TMEM178B: variants seen among roughly 807,000 people sequenced by gnomAD.
The protein encoded by TMEM178B is transmembrane protein 178B.
Under a neutral mutation model 31.0 loss-of-function variants are expected in TMEM178B, and 5 were observed. The observed-to-expected ratio is 0.16, with a 90% CI of 0.08 to 0.34. TMEM178B has a LOEUF of 0.34. Among genes scored for constraint, TMEM178B ranks in the 10% least tolerant of loss-of-function variants. The pLI is 1.00. For synonymous variants in TMEM178B, 164 were observed against 164.0 expected (o/e 1.00, Z 0.00); for missense variants, 275 against 400.3 (o/e 0.69, Z 2.67).
chr7:141,196,646 G>A (rs947970459), intron 1 of TMEM178B, among the ~76,000 whole-genome samples: 1 of 152,212 alleles, frequency 6.6e-6, no homozygotes, highest in Non-Finnish European at 1.5e-5. Flanking sequence ...AACCCTTGCA[G>A]GTCAAAGGTG....
At position 141,464,332 on chromosome 7, in the gene TMEM178B, C is replaced by T. The variant is rs146282988; in HGVS notation, c.635-6204C>T. 4.8e-3 allele frequency among the ~76,000 whole-genome samples: 738 copies of T among 152,262 alleles called. 8 individuals are homozygous for T. Among genetic ancestry groups the T allele is most frequent in the African/African-American group, 0.017 (714 of 41,544 alleles). ...GTTGCTACTGGATATTTATGACTCA[C>T]GCTCTTCCTAGAGACTTCTAGACTT... is the stretch of plus-strand genomic sequence containing the variant. On this transcript the variant is annotated intron_variant, in intron 3 of 3. Transcript: ENST00000565468.
At chr7:141,407,329 T>G (rs1800901825) in intron 2 of TMEM178B, among the ~76,000 whole-genome samples, 1 of 152,216 alleles carries the variant, frequency 6.6e-6, no homozygotes, top group African/African-American at 2.4e-5. Flanking sequence ...AAATAATTTG[T>G]ATTTCACAGT....
the TMEM178B span, among the ~76,000 whole-genome samples, chr7:141,492,690 TTTGTGGTTC>T: frequency 6.6e-6 from 1 of 152,316 alleles, no homozygotes; most frequent in Admixed American, 6.5e-5. Context: ...TCGTTTCATT[TTTGTGGTTC>T]CTAGAAACAA....
intron 1 of TMEM178B, among the ~76,000 whole-genome samples, chr7:141,193,233 G>A (rs192971969): frequency 6.6e-6 from 1 of 152,172 alleles, no homozygotes; most frequent in Non-Finnish European, 1.5e-5. Flanking sequence ...GGCCAGGCTC[G>A]TGCAGCACCA....
intron 2 of TMEM178B, among the ~76,000 whole-genome samples, chr7:141,434,809 T>C (rs753011302): frequency 5.1e-4 from 78 of 152,218 alleles, no homozygotes; most frequent in Admixed American, 1.2e-3. Context: ...TACTGTACTT[T>C]GATTAGATCA....
At chr7:141,239,751 G>A (rs1364278662) in intron 2 of TMEM178B, among the ~76,000 whole-genome samples, 1 of 152,156 alleles carries the variant, frequency 6.6e-6, no homozygotes, top group Non-Finnish European at 1.5e-5. Context: ...TGATGGTCCT[G>A]GTCACTGTTA....
At chr7:141,276,909 A>G (rs1288424641) in intron 2 of TMEM178B, among the ~76,000 whole-genome samples, 1 of 152,222 alleles carries the variant, frequency 6.6e-6, no homozygotes, top group African/African-American at 2.4e-5. Flanking sequence ...TAAACAATGT[A>G]AACATAGAAA....
At chr7:141,270,346 G>A (rs1410212209) in intron 2 of TMEM178B, among the ~76,000 whole-genome samples, 1 of 152,054 alleles carries the variant, frequency 6.6e-6, no homozygotes, top group East Asian at 2.0e-4. Context: ...AGCATCTGCT[G>A]TAGGTGGCAC....
intron 3 of TMEM178B, among the ~76,000 whole-genome samples, chr7:141,468,316 T>C (rs963770056): frequency 5.3e-5 from 8 of 152,286 alleles, no homozygotes; most frequent in African/African-American, 1.9e-4. Context: ...AGTGATCTGC[T>C]TTGAGTCCTC....
intron 2 of TMEM178B, among the ~76,000 whole-genome samples, chr7:141,293,403 A>T (rs994541695): frequency 6.6e-6 from 1 of 151,978 alleles, no homozygotes; most frequent in Admixed American, 6.6e-5. Flanking sequence ...GGCTGTTAAG[A>T]CCCCTGACTT....
rs140028453 is a variant in TMEM178B at position 141,401,475 on chromosome 7, G to A, written c.497-36133G>A. On this transcript the variant is annotated intron_variant, in intron 2 of 3. Coordinates refer to ENST00000565468, the MANE Select transcript of TMEM178B (RefSeq NM_001195278.2). The stretch of plus-strand genomic sequence containing the variant: ...GTCACCCAGGCTCGAGCACAGTGTG[G>A]TGCGATCATAGCTCACTGCAGCCTC... Among the ~76,000 whole-genome samples the A allele has an allele frequency of 7.7e-4, 117 of 152,326 alleles. No individual in the cohort carries two copies. In the East Asian group the frequency reaches 0.021, roughly 27 times the overall value.
intron 2 of TMEM178B, among the ~76,000 whole-genome samples, chr7:141,324,437 T>TTG (rs1563151708): frequency 1.6e-5 from 2 of 123,266 alleles, no homozygotes; most frequent in Non-Finnish European, 3.6e-5. Flanking sequence ...TTTTTTTTTT[T>TTG]TTTTTTTTTT....
intron 2 of TMEM178B, among the ~76,000 whole-genome samples, chr7:141,235,076 C>G (rs1470746178): frequency 6.6e-6 from 1 of 152,158 alleles, no homozygotes; most frequent in Non-Finnish European, 1.5e-5. Context: ...TTGGAATGTT[C>G]TAGAGTATTA....
intron 2 of TMEM178B, among the ~76,000 whole-genome samples, chr7:141,413,993 T>A (rs910141191): frequency 2.6e-5 from 4 of 152,192 alleles, no homozygotes; most frequent in African/African-American, 9.6e-5. Flanking sequence ...ATAATCATTA[T>A]AATTACGTAT....
intron 2 of TMEM178B, among the ~76,000 whole-genome samples, chr7:141,280,306 C>T (rs2116396850): frequency 6.6e-6 from 1 of 152,232 alleles, no homozygotes; most frequent in Non-Finnish European, 1.5e-5. Flanking sequence ...TATAGTTTGG[C>T]TGTGTCCCCA....
At chr7:141,429,308 T>TATACACAC (rs1801378286) in intron 2 of TMEM178B, among the ~76,000 whole-genome samples, 1 of 149,630 alleles carries the variant, frequency 6.7e-6, no homozygotes, top group African/African-American at 2.5e-5. Flanking sequence ...GAAAATGTAA[T>TATACACAC]ACACACACAC....
intron 3 of TMEM178B, among the ~76,000 whole-genome samples, chr7:141,462,803 G>T (rs779693979): frequency 1.3e-4 from 20 of 151,998 alleles, no homozygotes; most frequent in Admixed American, 6.6e-4. Flanking sequence ...AAGGGGTCCT[G>T]GGGGAGCAGC....
chr7:141,291,450 GTGAGA>G (rs1198792897), intron 2 of TMEM178B, among the ~76,000 whole-genome samples: 2 of 152,160 alleles, frequency 1.3e-5, no homozygotes, highest in South Asian at 2.1e-4. Flanking sequence ...AGCGCGAGGA[GTGAGA>G]ACACATAATG....
intron 1 of TMEM178B, among the ~76,000 whole-genome samples, chr7:141,112,845 A>T (rs1563091099): frequency 6.6e-6 from 1 of 152,160 alleles, no homozygotes; most frequent in Non-Finnish European, 1.5e-5. Context: ...CAGGGTGATA[A>T]ATGGCTTTTG....
Sources: allele counts gnomAD v4.1 joint callset (sites outside exome capture counted in the v4.1 genomes callset), GRCh38; gene constraint gnomAD v4.1.1; transcripts MANE v1.5; gene names NCBI Gene and HGNC (gene_info 2026-07-23, HGNC 2026-07-21).